The following PRIM2 variants were observed in gnomAD, a reference collection of about 807,000 sequenced individuals.
The protein encoded by PRIM2 is DNA primase large subunit.
A neutral mutation model predicts 67.3 loss-of-function variants in PRIM2; 39 were observed. The observed-to-expected ratio is 0.58, with a 90% CI of 0.45 to 0.76. The LOEUF is 0.76. Ranked by LOEUF, PRIM2 falls within the 30% of genes least tolerant of loss-of-function variation. The pLI is 0.00. For missense variants in PRIM2, 398 were observed against 598.7 expected (o/e 0.66, Z 3.50); for synonymous variants, 143 against 198.7 (o/e 0.72, Z 2.36).
At chr6:57,529,635 G>A (rs1774844981) in intron 8 of PRIM2, among the ~76,000 whole-genome samples, 1 of 152,098 alleles carries the variant, frequency 6.6e-6, no homozygotes, top group African/African-American at 2.4e-5. Context: ...TCAAGGCAAG[G>A]GAAAATAATA....
chr6:57,435,564 G>A (rs1441948122), intron 7 of PRIM2, among the ~76,000 whole-genome samples: 1 of 152,152 alleles, frequency 6.6e-6, no homozygotes, highest in Non-Finnish European at 1.5e-5. Flanking sequence ...TGAAATATGG[G>A]CTTCTGCTCC....
Position 57,332,125 on chromosome 6 carries a change from C to G in PRIM2, c.459+6080C>G, listed in dbSNP as rs72870420. ...TCTTTTTCATTTATTTCAAAGTATT[C>G]TTTTTTACTTTGACACATTGATTAG... is the stretch of plus-strand genomic sequence containing the variant. On this transcript the variant is annotated intron_variant, in intron 5 of 13. Transcript: ENST00000615550. Among the ~76,000 whole-genome samples the G allele has an allele frequency of 6.0e-3, 908 of 151,866 alleles. 6 individuals are homozygous for G. Among genetic ancestry groups the G allele is most frequent in the Non-Finnish European group, 8.4e-3 (568 of 67,888 alleles).
the PRIM2 span, among the ~76,000 whole-genome samples, chr6:57,228,664 A>G: frequency 1.3e-5 from 2 of 152,186 alleles, no homozygotes; most frequent in South Asian, 4.1e-4. Context: ...TCATCCAGCC[A>G]ACGTTATTGG....
intron 7 of PRIM2, among the ~76,000 whole-genome samples, chr6:57,451,941 C>T (rs1468669137): frequency 7.5e-6 from 1 of 133,310 alleles, no homozygotes; most frequent in East Asian, 2.5e-4. Context: ...CCTCCCCTCA[C>T]CCCACAACAG....
chr6:57,558,624 T>C lies in PRIM2; in HGVS notation c.1020+20999T>C, dbSNP rs1283514246. ...TGCTGGATGCTGAGAAATTACAGGT[T>C]GGTTTTATTGCTGTCTTCTGATCTT... On this transcript the variant is annotated intron_variant, in intron 10 of 13. Coordinates refer to ENST00000615550, the MANE Select transcript of PRIM2 (RefSeq NM_000947.5). Among the ~76,000 whole-genome samples the C allele has an allele frequency of 2.9e-3, 438 of 151,820 alleles. 1 individual carries two copies. Among genetic ancestry groups the C allele is most frequent in the Non-Finnish European group, 4.5e-3 (308 of 67,942 alleles).
rs1243915097 is a variant in PRIM2 at position 57,571,760 on chromosome 6, AG to A, written c.1021-29330del. Among the ~76,000 whole-genome samples, 595 of 152,348 alleles carry A rather than the reference AG, an allele frequency of 3.9e-3. 3 individuals carry two copies. The highest frequency in any genetic ancestry group is 0.013 in the African/African-American group (560 of 41,584). ...CTCACAAAACCAAAATTTATTTCTG[AG>A]GGTTCCAGCAAATTTGGCAAATTAG... On this transcript the variant is annotated intron_variant, in intron 10 of 13. Transcript: ENST00000615550.
At chr6:57,488,828 G>A (rs1193466976) in intron 7 of PRIM2, among the ~76,000 whole-genome samples, 1 of 152,228 alleles carries the variant, frequency 6.6e-6, no homozygotes, top group Non-Finnish European at 1.5e-5. Flanking sequence ...CCAAGGCAGG[G>A]AGGTTGTGGG....
At chr6:57,489,025 A>T (rs1462971145) in intron 7 of PRIM2, among the ~76,000 whole-genome samples, 1 of 152,230 alleles carries the variant, frequency 6.6e-6, no homozygotes, top group Admixed American at 6.5e-5. Context: ...AGAACTCTTT[A>T]TCTCTTTATA....
At chr6:57,315,845 G>C (rs1228139970), upstream of PRIM2, among the ~76,000 whole-genome samples, 2 of 151,938 alleles carry the variant, frequency 1.3e-5, no homozygotes. Context: ...ATTTAAATTT[G>C]TTTGCTATCC....
At chr6:57,353,454 T>G (rs1488658403) in intron 5 of PRIM2, among the ~76,000 whole-genome samples, 1 of 152,242 alleles carries the variant, frequency 6.6e-6, no homozygotes. Context: ...GTTTGCTGTA[T>G]ACCACTTAAA....
At chr6:57,592,819 A>G (rs1776304166) in intron 10 of PRIM2, among the ~76,000 whole-genome samples, 1 of 152,104 alleles carries the variant, frequency 6.6e-6, no homozygotes, top group Admixed American at 6.5e-5. Context: ...AGTAATATTT[A>G]GTCTTGTGTT....
chr6:57,239,130 A>G, the PRIM2 span, among the ~76,000 whole-genome samples: 1 of 152,046 alleles, frequency 6.6e-6, no homozygotes, highest in Non-Finnish European at 1.5e-5. Flanking sequence ...AGCTGGGACT[A>G]CAGGCGTGCA....
intron 5 of PRIM2, among the ~76,000 whole-genome samples, chr6:57,351,900 C>T (rs1768868897): frequency 3.3e-5 from 5 of 152,072 alleles, no homozygotes; most frequent in Admixed American, 3.3e-4. Flanking sequence ...TTTCATGACC[C>T]CGTGTAAGTT....
chr6:57,440,577 T>C (rs1471521252), intron 7 of PRIM2, among the ~76,000 whole-genome samples: 1 of 152,224 alleles, frequency 6.6e-6, no homozygotes, highest in Non-Finnish European at 1.5e-5. Flanking sequence ...TTGAAGCATA[T>C]ACATATATTC....
the PRIM2 span, among the ~76,000 whole-genome samples, chr6:57,287,134 A>G: frequency 6.6e-6 from 1 of 152,216 alleles, no homozygotes; most frequent in East Asian, 1.9e-4. Flanking sequence ...ATGTGGAGAA[A>G]TAGGAATGCT....
chr6:57,304,652 C>A, the PRIM2 span, among the ~76,000 whole-genome samples: 6 of 152,046 alleles, frequency 3.9e-5, no homozygotes, highest in Non-Finnish European at 7.4e-5. Context: ...GGGGAAAGGA[C>A]CCCTTCCCTC....
intron 4 of PRIM2, among the ~76,000 whole-genome samples, chr6:57,324,809 G>C (rs537569941): frequency 3.3e-5 from 5 of 152,144 alleles, no homozygotes; most frequent in African/African-American, 1.2e-4. Flanking sequence ...ACATAATTTA[G>C]TTATGGCTGT....
chr6:57,486,530 G>A (rs1464768455), intron 7 of PRIM2, among the ~76,000 whole-genome samples: 22 of 152,340 alleles, frequency 1.4e-4, no homozygotes, highest in Non-Finnish European at 2.8e-4. Flanking sequence ...TCACAGATCC[G>A]TCCTTAGGGA....
intron 5 of PRIM2, among the ~76,000 whole-genome samples, chr6:57,331,136 C>T (rs9464435): frequency 0.025 from 3,741 of 149,682 alleles, 144 homozygotes; most frequent in African/African-American, 0.087. Flanking sequence ...TGCAGTGAGC[C>T]GAGATCGTAC....
Sources: gnomAD v4.1 joint callset for allele counts (sites outside exome capture counted in the v4.1 genomes callset) on GRCh38, gnomAD v4.1.1 for gene constraint, MANE v1.5 for transcripts, NCBI Gene and HGNC (gene_info 2026-07-23, HGNC 2026-07-21) for gene names.